The following CACNA1E variants were observed in gnomAD, a reference collection of about 807,000 sequenced individuals.
CACNA1E encodes the protein voltage-dependent R-type calcium channel subunit alpha-1E.
Under a neutral mutation model 259.2 loss-of-function variants are expected in CACNA1E, and 40 were observed. The ratio of observed to expected loss-of-function variants is 0.15; its 90% CI spans 0.12 to 0.20. The LOEUF is 0.20. Among genes scored for constraint, CACNA1E ranks in the 10% least tolerant of loss-of-function variants. The pLI, the probability that CACNA1E is intolerant of heterozygous loss-of-function variation, is 1.00. For synonymous variants in CACNA1E, 1,104 were observed against 1,138.5 expected (o/e 0.97, Z 0.61); for missense variants, 1,874 against 3,040.1 (o/e 0.62, Z 9.02).
At chr1:181,570,844 C>T (rs1650336798) in intron 3 of CACNA1E, among the ~76,000 whole-genome samples, 1 of 152,218 alleles carries the variant, frequency 6.6e-6, no homozygotes, top group Non-Finnish European at 1.5e-5. Flanking sequence ...ATCCCATCTG[C>T]AAAGTCCCTT....
chr1:181,338,426 T>C (rs777927293), intron 1 of CACNA1E, among the ~76,000 whole-genome samples: 1 of 152,034 alleles, frequency 6.6e-6, no homozygotes, highest in African/African-American at 2.4e-5. Flanking sequence ...TGATTAGTGA[T>C]GTCGAGCACC....
At chr1:181,335,757 C>T (rs1311672650) in intron 1 of CACNA1E, among the ~76,000 whole-genome samples, 2 of 152,218 alleles carry the variant, frequency 1.3e-5, no homozygotes, top group Non-Finnish European at 2.9e-5. Context: ...TGAATTCACA[C>T]CTGACATATG....
intron 1 of CACNA1E, among the ~76,000 whole-genome samples, chr1:181,402,394 C>T (rs1400761188): frequency 6.6e-6 from 1 of 152,148 alleles, no homozygotes; most frequent in Non-Finnish European, 1.5e-5. Flanking sequence ...TCATTTTTCC[C>T]ATTCCTCCTA....
chr1:181,474,913 T>C (rs1192731332), intron 2 of CACNA1E, among the ~76,000 whole-genome samples: 1 of 152,222 alleles, frequency 6.6e-6, no homozygotes, highest in African/African-American at 2.4e-5. Context: ...ACCCCTGAGT[T>C]AGAGGCACTT....
At chr1:181,550,711 TA>T (rs1648041154) in intron 3 of CACNA1E, among the ~76,000 whole-genome samples, 1 of 152,016 alleles carries the variant, frequency 6.6e-6, no homozygotes, top group Admixed American at 6.6e-5. Flanking sequence ...TTGCTAGAAA[TA>T]AATGCTTTTT....
intron 1 of CACNA1E, among the ~76,000 whole-genome samples, chr1:181,360,784 CTTCTGGACACCCTTTACAAAATAT>C (rs1043000393): frequency 3.3e-5 from 5 of 152,200 alleles, no homozygotes; most frequent in African/African-American, 9.7e-5. Context: ...CCCTCACAAT[CTTCTGGACACCCTTTACAAAATAT>C]TTCTGGACAC....
intron 25 of CACNA1E, 90 bp from the exon 26 acceptor site, chr1:181,750,386 C>A (rs1657485344): frequency 1.8e-6 from 2 of 1,129,652 alleles, no homozygotes; most frequent in Admixed American, 1.8e-5. Context: ...CTGAAGTGTT[C>A]TGACTGTCTT....
At chr1:181,760,744 G>A (rs1261453529) in intron 32 of CACNA1E, among the ~76,000 whole-genome samples, 1 of 152,166 alleles carries the variant, frequency 6.6e-6, no homozygotes, top group Non-Finnish European at 1.5e-5. Flanking sequence ...GTAAGAGGTA[G>A]GGCCAGGATT....
intron 1 of CACNA1E, among the ~76,000 whole-genome samples, chr1:181,381,369 A>G (rs1655450078): frequency 6.6e-6 from 1 of 152,244 alleles, no homozygotes; most frequent in Non-Finnish European, 1.5e-5. Flanking sequence ...GGATCTCAAA[A>G]TAAGTATGCT....
chr1:181,442,186 G>C (rs1411205495), intron 2 of CACNA1E, among the ~76,000 whole-genome samples: 1 of 151,030 alleles, frequency 6.6e-6, no homozygotes, highest in African/African-American at 2.4e-5. Flanking sequence ...GAGGTGCATA[G>C]GTATGAGAGA....
At chr1:181,454,274 C>G (rs1461872879) in intron 2 of CACNA1E, among the ~76,000 whole-genome samples, 1 of 152,184 alleles carries the variant, frequency 6.6e-6, no homozygotes, top group Non-Finnish European at 1.5e-5. Flanking sequence ...CCCATCCCCA[C>G]CCCGCTCCCC....
At chr1:181,397,863 T>C (rs1383370982) in intron 1 of CACNA1E, among the ~76,000 whole-genome samples, 2 of 152,130 alleles carry the variant, frequency 1.3e-5, no homozygotes, top group African/African-American at 4.8e-5. Flanking sequence ...GCTTTTACCC[T>C]ATTGGCTAGG....
intron 1 of CACNA1E, among the ~76,000 whole-genome samples, chr1:181,400,137 T>A (rs556533414): frequency 6.6e-6 from 1 of 152,338 alleles, no homozygotes; most frequent in Non-Finnish European, 1.5e-5. Flanking sequence ...GATTTGAATT[T>A]GCTTCACAAA....
chr1:181,674,453 G>T (rs1649166184), intron 7 of CACNA1E, among the ~76,000 whole-genome samples: 1 of 143,056 alleles, frequency 7.0e-6, no homozygotes, highest in South Asian at 2.4e-4. Context: ...AATACTCATT[G>T]ATCATGTCTG....
chr1:181,609,186 G>A (rs1261606630), intron 6 of CACNA1E, among the ~76,000 whole-genome samples: 1 of 152,206 alleles, frequency 6.6e-6, no homozygotes, highest in Non-Finnish European at 1.5e-5. Flanking sequence ...AAACACAAAA[G>A]GTCCATCAGG....
chr1:181,685,635 G>A (rs1444820477), intron 7 of CACNA1E, among the ~76,000 whole-genome samples: 28 of 152,030 alleles, frequency 1.8e-4, no homozygotes, highest in Non-Finnish European at 3.2e-4. Context: ...TCTCAGTCCT[G>A]GTCTCACCTA....
intron 6 of CACNA1E, among the ~76,000 whole-genome samples, chr1:181,636,452 T>G (rs1558211499): frequency 1.3e-5 from 2 of 152,230 alleles, no homozygotes; most frequent in African/African-American, 4.8e-5. Context: ...TATTTTGACC[T>G]GAGGCTGAAT....
At chr1:181,606,668 A>G (rs1308646774) in intron 6 of CACNA1E, among the ~76,000 whole-genome samples, 1 of 152,340 alleles carries the variant, frequency 6.6e-6, no homozygotes, top group Non-Finnish European at 1.5e-5. Flanking sequence ...CATTTGAAAT[A>G]CAGACCCAAA....
intron 2 of CACNA1E, among the ~76,000 whole-genome samples, chr1:181,456,815 T>C (rs1471489305): frequency 6.6e-6 from 1 of 152,240 alleles, no homozygotes; most frequent in Non-Finnish European, 1.5e-5. Flanking sequence ...AATATTTACC[T>C]GCAGTGTTAG....
Sources: allele counts gnomAD v4.1 joint callset (sites outside exome capture counted in the v4.1 genomes callset), GRCh38; gene constraint gnomAD v4.1.1; transcripts MANE v1.5; gene names NCBI Gene and HGNC (gene_info 2026-07-23, HGNC 2026-07-21).